FGD2: variants seen among roughly 807,000 people sequenced by gnomAD.
The protein encoded by FGD2 is FYVE, RhoGEF and PH domain containing 2.
Under a neutral mutation model 75.9 loss-of-function variants are expected in FGD2, and 52 were observed. That is an observed-to-expected ratio of 0.69 (90% CI 0.55 to 0.86). The LOEUF is 0.86. FGD2 is among the 40% of genes least tolerant of loss of function. The pLI is 0.00. For synonymous variants in FGD2, 347 were observed against 348.6 expected, an observed-to-expected ratio of 1.00 and a Z score of 0.05; for missense variants, 790 against 872.0, an observed-to-expected ratio of 0.91 and a Z score of 1.18.
In FGD2 at chr6:37,027,523, G is replaced by A. The variant is rs1765882077; in HGVS notation, c.1700G>A (p.Cys567Tyr). The change falls in exon 15 of 16, where the codon TGT becomes TAT. Residue 567 changes from cysteine to tyrosine, a missense_variant. Transcript: ENST00000274963. Reference protein sequence around the residue: ...KWGKSGPRGWCVIPRDDPLVL... With the variant: ...KWGKSGPRGWYVIPRDDPLVL... The stretch of plus-strand genomic sequence containing the variant: ...GGCAAGAGCGGCCCCCGGGGCTGGT[G>A]TGTGATCCCTCGGGATGACCCCCTC... 6.2e-7 allele frequency: 1 copy of A among 1,614,050 alleles called. No homozygotes were observed. Among genetic ancestry groups the A allele is most frequent in the South Asian group, 1.1e-5 (1 of 91,090 alleles).
At chr6:37,022,461 T>C in intron 13 of FGD2, 91 bp downstream of exon 13, 1 of 1,460,456 alleles carries the variant, frequency 6.8e-7, no homozygotes, top group South Asian at 1.4e-5. Context: ...TACCTAGGCC[T>C]CCGCTTGATC....
intron 13 of FGD2, chr6:37,023,823 G>A (rs1357226130): frequency 1.3e-5 from 2 of 152,228 alleles, no homozygotes; most frequent in African/African-American, 2.4e-5. Flanking sequence ...TCACACTTGT[G>A]AGTGAAAGTA....
At chr6:37,012,979 T>A (rs560425347) in intron 4 of FGD2, 1 of 99,894 alleles carries the variant, frequency 1.0e-5, no homozygotes, top group East Asian at 5.3e-4. Flanking sequence ...TGTGTGTGTG[T>A]GTGTGTGTAT....
Position 37,026,062 on chromosome 6 carries a change from C to A in FGD2, c.1605+124C>A, listed in dbSNP as rs575014154. 2.7e-4 allele frequency: 393 copies of A among 1,473,484 alleles called. 1 individual carries two copies. The African/African-American group carries it at 4.6e-3, about 17-fold the overall frequency. The allele number at this position is 1,473,484 out of a possible 1,614,324, so 91.3% of individuals were successfully genotyped here. On this transcript the variant is annotated intron_variant, in intron 14 of 15. Transcript: ENST00000274963. ...AGCCAGCCATGGTCACACCCTCCCC[C>A]CTCTCCCTCTTCCTCTCTCTGCCCA...
Position 37,015,804 on chromosome 6 carries a change from ATCCAGGTGGGCGCCCAGT to A in FGD2, c.1075_1092del (p.Gly359_Val364del). ...GCTGCTCTACTGTGTGCCCAGGGTG[ATCCAGGTGGGCGCCCAGT>A]TCCAGGTGAGGACCCGCATCGATGT... On this transcript the variant is annotated inframe_deletion, in exon 9 of 16. Transcript: ENST00000274963. 1.9e-6 allele frequency: 3 copies of A among 1,597,160 alleles called. No individual in the cohort carries two copies. Among genetic ancestry groups the A allele is most frequent in the Non-Finnish European group, 2.6e-6 (3 of 1,172,736 alleles).
rs755559160 is a variant in FGD2, at chr6:37,014,984, G to A, written c.975G>A (p.Pro325=). 34 of 1,613,976 alleles carry A rather than the reference G, an allele frequency of 2.1e-5. No individual in the cohort carries two copies. The highest frequency in any genetic ancestry group is 4.0e-5 in the African/African-American group (3 of 74,916). ...DPSNTLLREG[P]VLKISFRRND... is the part of the protein sequence containing the mutation. ...CTAACACCCTGCTCCGTGAGGGCCC[G>A]GTCCTCAAGATCTCCTTCCGCCGCA... The change falls in exon 8 of 16, where the codon CCG becomes CCA. Residue 325 remains proline, a synonymous_variant. Transcript: ENST00000274963.
chr6:37,016,664 G>T (rs1765314675), intron 9 of FGD2, among the ~76,000 whole-genome samples: 1 of 151,556 alleles, frequency 6.6e-6, no homozygotes, highest in African/African-American at 2.4e-5. Flanking sequence ...CTCCCAAGTA[G>T]CTGGGACTGT....
chr6:37,027,845 T>G, intron 15 of FGD2, 103 bp from the exon 16 acceptor site: 3 of 1,305,514 alleles, frequency 2.3e-6, no homozygotes, highest in Non-Finnish European at 3.2e-6. Flanking sequence ...CCATGGGGGT[T>G]TAGGGTGTGA....
rs1764970480 is a variant in FGD2, at chr6:37,010,921, C to A, written c.301-52C>A. ...GAACCGAGGTCCCCATCAGAGGAGA[C>A]CAAAGCTGTCTTCCCCCTTTTTCTC... On this transcript the variant is annotated intron_variant, in intron 2 of 15. Coordinates refer to ENST00000274963, the MANE Select transcript of FGD2 (RefSeq NM_173558.4). The A allele has an allele frequency of 2.6e-5, 41 of 1,575,306 alleles. No individual in the cohort carries two copies. The East Asian group carries it at 9.0e-4, about 34-fold the overall frequency.
In FGD2 at chr6:37,025,929, C is replaced by A; in HGVS notation, c.1596C>A (p.Gly532=). 1 of 1,614,014 alleles carries A rather than the reference C, an allele frequency of 6.2e-7. No homozygotes were observed. The highest frequency in any genetic ancestry group is 1.1e-5 in the South Asian group (1 of 91,066). ...LPEAKEDKRR[G]ILEKGSSATP... is the part of the protein sequence containing the mutation. ...AGGCCAAGGAGGACAAGAGGCGGGGCATCCTGGAGGTGAGGGCCACTGTCC... is the reference window on the plus strand; with the variant it reads ...AGGCCAAGGAGGACAAGAGGCGGGGAATCCTGGAGGTGAGGGCCACTGTCC... The change falls in exon 14 of 16, where the codon GGC becomes GGA. Residue 532 remains glycine, a synonymous_variant. Transcript: ENST00000274963.
At position 37,015,816 on chromosome 6, in the gene FGD2, G is replaced by T; in HGVS notation, c.1078G>T (p.Ala360Ser). ...YCVPRVIQVG[A>S]QFQVRTRIDV... is the part of the protein sequence containing the mutation. ...TGTGCCCAGGGTGATCCAGGTGGGC[G>T]CCCAGTTCCAGGTGAGGACCCGCAT... Residue 360 changes from alanine (A) to serine (S), a missense_variant, in exon 9 of 16, where the codon GCC becomes TCC. Ala to Ser is a moderately conservative substitution (Grantham distance 99, BLOSUM62 1). Transcript: ENST00000274963. 2 of 1,596,418 alleles carry T rather than the reference G, an allele frequency of 1.3e-6. No individual in the cohort carries two copies. Among genetic ancestry groups the T allele is most frequent in the South Asian group, 1.1e-5 (1 of 87,370 alleles).
chr6:37,015,723 C>A, intron 8 of FGD2, 45 bp from the exon 9 acceptor site: 1 of 1,537,278 alleles, frequency 6.5e-7, no homozygotes, highest in South Asian at 1.2e-5. Context: ...CCTAGCCATC[C>A]TCCCTGCCCC....
At chr6:37,011,083 C>G (rs1764983766) in intron 3 of FGD2, 33 bp downstream of exon 3, 2 of 1,606,216 alleles carry the variant, frequency 1.2e-6, no homozygotes, top group Admixed American at 3.3e-5. Context: ...TCTAGAGCCC[C>G]AGCCCTGGGT....
chr6:37,023,445 A>C (rs1765682962), intron 13 of FGD2: 1 of 152,344 alleles, frequency 6.6e-6, no homozygotes, highest in African/African-American at 2.4e-5. Flanking sequence ...TTCTCCTCTT[A>C]TCAATCCAGG....
chr6:37,014,959 C>T lies in FGD2; in HGVS notation c.950C>T (p.Ser317Phe). Reference sequence around the variant, plus strand: ...CTCGAGGACGACATAGTAGACCCCTCTAACACCCTGCTCCGTGAGGGCCCG... The same window carrying T: ...CTCGAGGACGACATAGTAGACCCCTTTAACACCCTGCTCCGTGAGGGCCCG... ...LGLEDDIVDP[S>F]NTLLREGPVL... The change falls in exon 8 of 16, where the codon TCT becomes TTT. Residue 317 changes from serine (S) to phenylalanine (F), a missense_variant. Physicochemically the swap from Ser to Phe is radical, Grantham distance 155. Coordinates refer to ENST00000274963, the MANE Select transcript of FGD2 (RefSeq NM_173558.4). 1 of 1,614,184 alleles carries T rather than the reference C, an allele frequency of 6.2e-7. No homozygotes were observed. The highest frequency in any genetic ancestry group is 8.5e-7 in the Non-Finnish European group (1 of 1,180,024).
In FGD2 at chr6:37,021,568, G is replaced by T. The variant is rs35656248; in HGVS notation, c.1290G>T (p.Ala430=). 3 of 1,613,880 alleles carry T rather than the reference G, an allele frequency of 1.9e-6. No individual in the cohort carries two copies. Among genetic ancestry groups the T allele is most frequent in the African/African-American group, 1.3e-5 (1 of 74,918 alleles). Residue 430 remains alanine, a synonymous_variant, in exon 12 of 16, where the codon GCG becomes GCT. Coordinates refer to ENST00000274963, the MANE Select transcript of FGD2 (RefSeq NM_173558.4). Reference sequence around the variant, plus strand: ...AGCGGAATGAAACCTTCAAGGCTGCGGCCCAGGGGCCTGAGGGAGACATCC... The same window carrying T: ...AGCGGAATGAAACCTTCAAGGCTGCTGCCCAGGGGCCTGAGGGAGACATCC... ...IEKRNETFKA[A]AQGPEGDIQE... is the part of the protein sequence containing the mutation.
Position 37,022,761 on chromosome 6 carries a change from G to A in FGD2, c.1458+391G>A, listed in dbSNP as rs73409479. The A allele has an allele frequency of 5.5e-3, 1,073 of 195,552 alleles. 17 individuals carry two copies. Among genetic ancestry groups the A allele is most frequent in the African/African-American group, 0.024 (1,002 of 42,568 alleles). The allele number at this position is 195,552 out of a possible 1,614,324, so 12.1% of individuals were successfully genotyped here. ...CCCTACCTGGGCCTCTACCCACCCA[G>A]CTCAGGTGCTGCTGTCCCCATCTTG... is the stretch of plus-strand genomic sequence containing the variant. On this transcript the variant is annotated intron_variant, in intron 13 of 15. Coordinates refer to ENST00000274963, the MANE Select transcript of FGD2 (RefSeq NM_173558.4).
At chr6:37,015,075 A>C in intron 8 of FGD2, 37 bp downstream of exon 8, 1 of 1,597,502 alleles carries the variant, frequency 6.3e-7, no homozygotes, top group Non-Finnish European at 8.5e-7. Flanking sequence ...CACACTGGGG[A>C]GGGAAGTCCA....
rs772545294 is a variant in FGD2, at chr6:37,011,895, C to T, written c.527+41C>T. ...AGCCCCTGAGGCCTCAGACCACAGC[C>T]CTGGCCAGGTGGAGGTGGGGAGACC... On this transcript the variant is annotated intron_variant, in intron 4 of 15. Transcript: ENST00000274963. 4 of 1,599,738 alleles carry T rather than the reference C, an allele frequency of 2.5e-6. No homozygotes were observed. The South Asian group carries it at 3.4e-5, about 13-fold the overall frequency.
Sources: gnomAD v4.1 joint callset for allele counts (sites outside exome capture counted in the v4.1 genomes callset) on GRCh38, gnomAD v4.1.1 for gene constraint, MANE v1.5 for transcripts, NCBI Gene and HGNC (gene_info 2026-07-23, HGNC 2026-07-21) for gene names.